GPC6: variants seen among roughly 807,000 people sequenced by gnomAD.
GPC6 encodes glypican-6.
GPC6 carries 14 observed loss-of-function variants against 55.2 expected under a neutral mutation model. The observed-to-expected ratio is 0.25, with a 90% confidence interval of 0.17 to 0.40. GPC6 has a LOEUF of 0.40. Among genes scored for constraint, GPC6 ranks in the 10% least tolerant of loss-of-function variants. The probability of loss-of-function intolerance (pLI) is 1.00; values close to 1 mark genes in which losing one functional copy is unlikely to be tolerated. For missense variants in GPC6, 641 were observed against 708.5 expected, an observed-to-expected ratio of 0.90 and a Z score of 1.08; for synonymous variants, 278 against 259.6, an observed-to-expected ratio of 1.07 and a Z score of -0.68.
At chr13:93,896,277 A>G (rs1384025481) in intron 3 of GPC6, among the ~76,000 whole-genome samples, 2 of 152,056 alleles carry the variant, frequency 1.3e-5, no homozygotes, top group Non-Finnish European at 2.9e-5. Flanking sequence ...CTCAATAGAC[A>G]TGGATAAATA....
intron 2 of GPC6, among the ~76,000 whole-genome samples, chr13:93,764,405 C>T (rs1885045208): frequency 6.6e-6 from 1 of 151,882 alleles, no homozygotes; most frequent in Non-Finnish European, 1.5e-5. Flanking sequence ...TCAAATGGAC[C>T]TTGATAACTC....
At position 93,332,814 on chromosome 13, in the gene GPC6, G is replaced by A. The variant is rs571877989; in HGVS notation, c.160+105198G>A. On this transcript the variant is annotated intron_variant, in intron 1 of 8. Transcript: ENST00000377047. ...AGTGTTTTGTTTGTTTGTTTGTTTC[G>A]GTAGCTTCATAGTTTCAGGCCTTAC... is the stretch of plus-strand genomic sequence containing the variant. Among the ~76,000 whole-genome samples the A allele has an allele frequency of 9.2e-5, 14 of 151,960 alleles. 1 individual carries two copies. Among genetic ancestry groups the A allele is most frequent in the Middle Eastern group, 6.8e-3 (2 of 294 alleles).
At chr13:94,214,846 A>G (rs1478613997) in intron 4 of GPC6, among the ~76,000 whole-genome samples, 1 of 152,232 alleles carries the variant, frequency 6.6e-6, no homozygotes, top group African/African-American at 2.4e-5. Flanking sequence ...TGTTCTCCCA[A>G]GGAATTTATT....
intron 2 of GPC6, among the ~76,000 whole-genome samples, chr13:93,766,330 G>A (rs935108382): frequency 2.0e-5 from 3 of 152,084 alleles, no homozygotes; most frequent in Non-Finnish European, 2.9e-5. Flanking sequence ...TAAGTTTCAA[G>A]TCTGAAACTT....
At chr13:93,982,869 A>G (rs1880867913) in intron 3 of GPC6, among the ~76,000 whole-genome samples, 1 of 152,182 alleles carries the variant, frequency 6.6e-6, no homozygotes, top group Non-Finnish European at 1.5e-5. Flanking sequence ...AGCTATACTC[A>G]AAAGATTATA....
At chr13:93,414,902 T>A (rs948409612) in intron 1 of GPC6, among the ~76,000 whole-genome samples, 35 of 152,176 alleles carry the variant, frequency 2.3e-4, no homozygotes, top group African/African-American at 8.2e-4. Flanking sequence ...TAACAAATGA[T>A]GACAATGAAC....
rs143656988 is a variant in GPC6, at chr13:93,905,365, C to T, written c.711+74820C>T. Among the ~76,000 whole-genome samples, 59 of 152,228 alleles carry T rather than the reference C, an allele frequency of 3.9e-4. No homozygotes were observed. The East Asian group carries it at 9.9e-3, about 26-fold the overall frequency. ...ACACAAAAAATGCTCAGAATTATGC[C>T]TAACCTATATGAGGCACTCAAGAAA... On this transcript the variant is annotated intron_variant, in intron 3 of 8. Transcript: ENST00000377047.
At chr13:93,897,734 CA>C (rs1388993256) in intron 3 of GPC6, among the ~76,000 whole-genome samples, 1 of 152,080 alleles carries the variant, frequency 6.6e-6, no homozygotes, top group Non-Finnish European at 1.5e-5. Flanking sequence ...CTGTCCCCCC[CA>C]TCTGTTAAAA....
At chr13:93,583,162 G>A (rs549052369) in intron 2 of GPC6, among the ~76,000 whole-genome samples, 1 of 152,214 alleles carries the variant, frequency 6.6e-6, no homozygotes, top group African/African-American at 2.4e-5. Flanking sequence ...CCCAAATAAA[G>A]GTTGTGTTGC....
At chr13:94,402,902 T>G (rs929206325) in intron 8 of GPC6, 113 bp from the exon 9 acceptor site, 2 of 851,174 alleles carry the variant, frequency 2.3e-6, no homozygotes, top group African/African-American at 3.3e-5. Flanking sequence ...ACATGGCCTC[T>G]CCCCTGACAG....
chr13:94,154,833 A>G (rs1887871417), intron 4 of GPC6, among the ~76,000 whole-genome samples: 1 of 152,156 alleles, frequency 6.6e-6, no homozygotes, highest in South Asian at 2.1e-4. Flanking sequence ...TCAAACCCAA[A>G]TTATTTTCCC....
intron 1 of GPC6, among the ~76,000 whole-genome samples, chr13:93,535,180 T>G (rs891053428): frequency 2.6e-4 from 40 of 152,204 alleles, no homozygotes; most frequent in African/African-American, 9.7e-4. Flanking sequence ...ATATTAGACA[T>G]ATTATGAAGA....
intron 2 of GPC6, among the ~76,000 whole-genome samples, chr13:93,563,483 C>T: frequency 7.0e-6 from 1 of 142,866 alleles, no homozygotes; most frequent in African/African-American, 3.0e-5. Context: ...GTGGGAAAAA[C>T]AAACAAACAA....
At chr13:94,132,628 G>A (rs1412734721) in intron 4 of GPC6, among the ~76,000 whole-genome samples, 1 of 152,082 alleles carries the variant, frequency 6.6e-6, no homozygotes, top group Non-Finnish European at 1.5e-5. Flanking sequence ...TTTAATAGTT[G>A]CCCTCACCTC....
chr13:93,342,451 C>T (rs929227284), intron 1 of GPC6, among the ~76,000 whole-genome samples: 6 of 152,060 alleles, frequency 3.9e-5, no homozygotes, highest in Non-Finnish European at 8.8e-5. Context: ...TTTATGAAAC[C>T]ATGAGATCTC....
intron 2 of GPC6, among the ~76,000 whole-genome samples, chr13:93,771,481 A>G (rs888127318): frequency 3.9e-5 from 6 of 152,080 alleles, no homozygotes; most frequent in Admixed American, 1.3e-4. Context: ...GGTTAGCTTT[A>G]TGAAGGGTTG....
chr13:93,945,587 C>T (rs748299850), intron 3 of GPC6, among the ~76,000 whole-genome samples: 4 of 151,624 alleles, frequency 2.6e-5, no homozygotes, highest in East Asian at 1.9e-4. Flanking sequence ...ACAGAGACAA[C>T]AAAAAAAATA....
intron 1 of GPC6, among the ~76,000 whole-genome samples, chr13:93,539,230 T>C (rs1181596487): frequency 1.3e-5 from 2 of 152,204 alleles, no homozygotes; most frequent in Non-Finnish European, 2.9e-5. Flanking sequence ...ATAGTCAACT[T>C]ATTCTATCCT....
chr13:93,455,903 G>C (rs1002056935), intron 1 of GPC6, among the ~76,000 whole-genome samples: 3 of 152,166 alleles, frequency 2.0e-5, no homozygotes, highest in Non-Finnish European at 2.9e-5. Context: ...GCTGTTCATG[G>C]AGTGTTTCAT....
Sources: allele counts gnomAD v4.1 joint callset (sites outside exome capture counted in the v4.1 genomes callset), GRCh38; gene constraint gnomAD v4.1.1; transcripts MANE v1.5; gene names NCBI Gene and HGNC (gene_info 2026-07-23, HGNC 2026-07-21).